SFMBT2: variants seen among roughly 807,000 people sequenced by gnomAD.
SFMBT2 encodes scm-like with four MBT domains protein 2.
SFMBT2 carries 38 observed loss-of-function variants against 110.1 expected under a neutral mutation model. The observed-to-expected ratio is 0.35, with a 90% CI of 0.27 to 0.45. SFMBT2 has a LOEUF of 0.45. Ranked by LOEUF, SFMBT2 falls within the 20% of genes least tolerant of loss-of-function variation. The pLI is 1.00. For synonymous variants in SFMBT2, 425 were observed against 425.4 expected (o/e 1.00, Z 0.01); for missense variants, 1,011 against 1,094.9 (o/e 0.92, Z 1.08).
At chr10:7,310,689 T>G (rs1044498163) in intron 4 of SFMBT2, among the ~76,000 whole-genome samples, 1 of 152,210 alleles carries the variant, frequency 6.6e-6, no homozygotes, top group African/African-American at 2.4e-5. Context: ...GTGCATTTTC[T>G]GACTACATGC....
intron 8 of SFMBT2, among the ~76,000 whole-genome samples, chr10:7,246,590 G>T (rs992774578): frequency 1.3e-5 from 2 of 151,464 alleles, no homozygotes; most frequent in African/African-American, 4.9e-5. Flanking sequence ...GTGGTGGCAG[G>T]CGCCTATAAT....
At chr10:7,295,174 T>G (rs1175009602) in intron 4 of SFMBT2, 1 of 152,180 alleles carries the variant, frequency 6.6e-6, no homozygotes, top group Non-Finnish European at 1.5e-5. Context: ...GAATTATAAT[T>G]CTTGTAGAAG....
chr10:7,197,585 G>T lies in SFMBT2; in HGVS notation c.1661C>A (p.Ser554Ter), dbSNP rs372180552. 2 of 1,614,170 alleles carry T rather than the reference G, an allele frequency of 1.2e-6. No individual in the cohort carries two copies. The highest frequency in any genetic ancestry group is 3.3e-5 in the Admixed American group (2 of 60,016). ...CAGCACGCATTTGCCCGGTCCCACC[G>T]ACTGAGGTAGCTCTGCAATCCTTCC... is the stretch of plus-strand genomic sequence containing the variant. ...NKGRIAELPQ[S>*]VGPGKCVLVL... Residue 554 changes from serine to a stop codon, truncating the protein, a stop_gained, in exon 15 of 21, where the codon TCG becomes TAG. Transcript: ENST00000397167. LOFTEE classifies it high-confidence loss of function.
intron 8 of SFMBT2, among the ~76,000 whole-genome samples, 163 bp from the exon 9 acceptor site, chr10:7,243,868 T>C (rs1342129237): frequency 6.6e-6 from 1 of 152,214 alleles, no homozygotes; most frequent in Admixed American, 6.5e-5. Flanking sequence ...TTAATTCAGC[T>C]GATAAAAAGT....
At position 7,159,479 on chromosome 10, in the gene SFMBT2, G is replaced by A. The variant is rs530649444; in HGVS notation, c.*4291C>T. On this transcript the variant is annotated 3_prime_UTR_variant, in exon 21 of 21. Coordinates refer to ENST00000397167, the MANE Select transcript of SFMBT2 (RefSeq NM_001387889.1). ...GAAAATTCTTGAACAGAAAAGGGCAGTAAACAAAAGAATTATTGAATTATA... is the reference window on the plus strand; with the variant it reads ...GAAAATTCTTGAACAGAAAAGGGCAATAAACAAAAGAATTATTGAATTATA... 1 of 152,170 alleles carries A rather than the reference G, an allele frequency of 6.6e-6. No individual in the cohort carries two copies. The highest frequency in any genetic ancestry group is 1.5e-5 in the Non-Finnish European group (1 of 68,032). The allele number at this position is 152,170 out of a possible 1,614,324, so 9.4% of individuals were successfully genotyped here. A position where few individuals can be genotyped will look rare whatever the true frequency, so the allele number is the denominator to read the frequency against.
At chr10:7,357,157 G>A (rs1022144159) in intron 4 of SFMBT2, among the ~76,000 whole-genome samples, 3 of 152,124 alleles carry the variant, frequency 2.0e-5, no homozygotes, top group Admixed American at 1.3e-4. Flanking sequence ...TCTCCAGAAG[G>A]CATTAAGATG....
intron 17 of SFMBT2, among the ~76,000 whole-genome samples, chr10:7,174,196 A>G (rs933286675): frequency 2.6e-5 from 4 of 152,310 alleles, no homozygotes; most frequent in African/African-American, 9.6e-5. Flanking sequence ...GTCCAGTTCT[A>G]TAAGGACCGT....
At chr10:7,246,196 A>G (rs1373588751) in intron 8 of SFMBT2, 4 of 983,438 alleles carry the variant, frequency 4.1e-6, no homozygotes, top group Non-Finnish European at 3.6e-6. Flanking sequence ...AAGGGTAAGA[A>G]AAAGCAAAAT....
chr10:7,355,770 C>A, intron 4 of SFMBT2, among the ~76,000 whole-genome samples: 1 of 152,158 alleles, frequency 6.6e-6, no homozygotes, highest in African/African-American at 2.4e-5. Flanking sequence ...CGAGATAGAG[C>A]CACTGCTCTC....
chr10:7,364,100 G>A (rs1844814550), intron 4 of SFMBT2, among the ~76,000 whole-genome samples: 1 of 152,122 alleles, frequency 6.6e-6, no homozygotes, highest in Non-Finnish European at 1.5e-5. Flanking sequence ...TGCCGCCTCT[G>A]GCTACAAAGC....
intron 1 of SFMBT2, among the ~76,000 whole-genome samples, chr10:7,409,990 A>G (rs1846329079): frequency 6.6e-6 from 1 of 151,862 alleles, no homozygotes; most frequent in African/African-American, 2.4e-5. Context: ...GTCAAAATCA[A>G]TAAATACATC....
chr10:7,334,059 G>A (rs1445054063), intron 4 of SFMBT2, among the ~76,000 whole-genome samples: 2 of 152,180 alleles, frequency 1.3e-5, no homozygotes, highest in South Asian at 4.1e-4. Flanking sequence ...CACCGGATGT[G>A]CTACGCGACG....
intron 4 of SFMBT2, among the ~76,000 whole-genome samples, chr10:7,308,229 C>A (rs528810168): frequency 2.0e-5 from 3 of 152,124 alleles, no homozygotes; most frequent in African/African-American, 7.2e-5. Flanking sequence ...CCTGGTGGTA[C>A]ACGCCTCTAG....
intron 4 of SFMBT2, chr10:7,329,612 A>C (rs1422959988): frequency 1.7e-6 from 1 of 598,358 alleles, no homozygotes; most frequent in Non-Finnish European, 2.1e-6. Flanking sequence ...CCTCGGTTAG[A>C]AATCCAGATG....
chr10:7,298,856 G>C (rs1248482792), intron 4 of SFMBT2, among the ~76,000 whole-genome samples: 1 of 152,068 alleles, frequency 6.6e-6, no homozygotes, highest in East Asian at 1.9e-4. Flanking sequence ...AATTCTCAAA[G>C]AGCACCATGA....
At chr10:7,227,760 T>C in intron 10 of SFMBT2, 95 bp downstream of exon 10, 1 of 1,069,670 alleles carries the variant, frequency 9.3e-7, no homozygotes, top group South Asian at 1.3e-5. Flanking sequence ...ACTGTAATAC[T>C]CCAACCGTGC....
chr10:7,206,669 G>T, intron 11 of SFMBT2: 2 of 846,530 alleles, frequency 2.4e-6, no homozygotes, highest in Non-Finnish European at 2.8e-6. Context: ...GCCTTATGAG[G>T]ACCTGGCTTC....
chr10:7,230,491 A>G (rs1840085660), intron 9 of SFMBT2, among the ~76,000 whole-genome samples: 1 of 152,204 alleles, frequency 6.6e-6, no homozygotes, highest in African/African-American at 2.4e-5. Flanking sequence ...CGTCAAACGG[A>G]GAAGTTTCTT....
intron 4 of SFMBT2, among the ~76,000 whole-genome samples, chr10:7,310,541 C>T (rs1842820804): frequency 6.6e-6 from 1 of 152,194 alleles, no homozygotes; most frequent in Admixed American, 6.5e-5. Context: ...TGAGGAAAAA[C>T]AGTGATGAAA....
Sources: gnomAD v4.1 joint callset for allele counts (sites outside exome capture counted in the v4.1 genomes callset) on GRCh38, gnomAD v4.1.1 for gene constraint, MANE v1.5 for transcripts, NCBI Gene and HGNC (gene_info 2026-07-23, HGNC 2026-07-21) for gene names.